The following ULK4 variants were observed in gnomAD, a reference collection of about 807,000 sequenced individuals.
ULK4 encodes the protein inactive serine/threonine-protein kinase ULK4.
ULK4 carries 133 observed loss-of-function variants against 160.6 expected under a neutral mutation model. The observed-to-expected ratio is 0.83, with a 90% CI of 0.72 to 0.96. The LOEUF (loss-of-function observed/expected upper bound fraction) is 0.96, where lower values mean the gene tolerates loss of function less well. Ranked by LOEUF, ULK4 falls within the 40% of genes least tolerant of loss-of-function variation. ULK4 has a pLI of 0.00. For missense variants in ULK4, 1,580 were observed against 1,499.5 expected (o/e 1.05, Z -0.89); for synonymous variants, 534 against 539.8 (o/e 0.99, Z 0.15).
At position 41,629,318 on chromosome 3, in the gene ULK4, A is replaced by T. The variant is rs540526401; in HGVS notation, c.3072-13601T>A. Among the ~76,000 whole-genome samples, 128 of 152,290 alleles carry T rather than the reference A, an allele frequency of 8.4e-4. 1 individual carries two copies. Among genetic ancestry groups the T allele is most frequent in the African/African-American group, 3.0e-3 (123 of 41,572 alleles). On this transcript the variant is annotated intron_variant, in intron 30 of 36. Transcript: ENST00000301831. ...CACTTCTGGCACCTGGGCTGGGATG[A>T]TTCAAGGAAGGCTCAGTTAATTCTG... is the stretch of plus-strand genomic sequence containing the variant.
At chr3:41,281,223 A>C (rs1382326298) in intron 35 of ULK4, among the ~76,000 whole-genome samples, 1 of 152,216 alleles carries the variant, frequency 6.6e-6, no homozygotes, top group African/African-American at 2.4e-5. Context: ...TACTAGAGGT[A>C]CAAAGAGGAG....
chr3:41,311,903 G>C (rs2080058057), intron 35 of ULK4, among the ~76,000 whole-genome samples: 2 of 146,868 alleles, frequency 1.4e-5, no homozygotes, highest in South Asian at 4.3e-4. Flanking sequence ...TATCCTATTA[G>C]TTCTGTCCCT....
chr3:41,848,915 C>T (rs1187655228), intron 17 of ULK4, among the ~76,000 whole-genome samples: 2 of 152,196 alleles, frequency 1.3e-5, no homozygotes, highest in African/African-American at 2.4e-5. Context: ...TTTCCCAGCC[C>T]CCTTAGAGTC....
At chr3:41,300,838 TA>T (rs1483823765) in intron 35 of ULK4, among the ~76,000 whole-genome samples, 259 of 9,776 alleles carry the variant, frequency 0.026, 7 homozygotes, top group African/African-American at 0.062. Context: ...TTTTACAGAT[TA>T]TATATATATA....
chr3:41,516,299 A>G (rs2085745414), intron 32 of ULK4, among the ~76,000 whole-genome samples: 2 of 152,224 alleles, frequency 1.3e-5, no homozygotes, highest in Admixed American at 1.3e-4. Flanking sequence ...TGGGAAGCAG[A>G]GTCAATACTG....
At chr3:41,687,979 C>G (rs951377937) in intron 27 of ULK4, 1 of 152,186 alleles carries the variant, frequency 6.6e-6, no homozygotes, top group African/African-American at 2.4e-5. Context: ...GGGAGGTGGA[C>G]GCAAACATGA....
chr3:41,492,410 A>ACTTTT (rs879297581), intron 32 of ULK4, among the ~76,000 whole-genome samples: 61,536 of 150,826 alleles, frequency 0.41, 12,716 homozygotes, highest in African/African-American at 0.43. Context: ...CCTGCCCTAA[A>ACTTTT]AGAGCTCCTG....
At chr3:41,521,809 G>A (rs545493012) in intron 32 of ULK4, among the ~76,000 whole-genome samples, 1 of 152,222 alleles carries the variant, frequency 6.6e-6, no homozygotes, top group South Asian at 2.1e-4. Flanking sequence ...ATATCCCTGG[G>A]GAGATTAAGA....
At chr3:41,946,249 G>A (rs1002399889) in intron 2 of ULK4, among the ~76,000 whole-genome samples, 2 of 152,116 alleles carry the variant, frequency 1.3e-5, no homozygotes, top group Non-Finnish European at 2.9e-5. Context: ...TAACACAGGT[G>A]AATCTCAAAA....
At chr3:41,471,108 ACC>A (rs1559627132) in intron 32 of ULK4, among the ~76,000 whole-genome samples, 1 of 152,130 alleles carries the variant, frequency 6.6e-6, no homozygotes, top group Non-Finnish European at 1.5e-5. Flanking sequence ...CAAGATACTC[ACC>A]TCACTTTTAA....
At chr3:41,830,218 G>A (rs944365581) in intron 18 of ULK4, among the ~76,000 whole-genome samples, 1 of 151,904 alleles carries the variant, frequency 6.6e-6, no homozygotes, top group African/African-American at 2.4e-5. Flanking sequence ...AACGGGTGCA[G>A]CACACCAACA....
intron 30 of ULK4, among the ~76,000 whole-genome samples, chr3:41,645,664 T>G (rs1288848501): frequency 6.6e-6 from 1 of 152,146 alleles, no homozygotes; most frequent in African/African-American, 2.4e-5. Flanking sequence ...AAAATGTATA[T>G]TCTGTTGATT....
In ULK4 at chr3:41,926,655, A is replaced by G. The variant is rs1199774761; in HGVS notation, c.541+5189T>C. ...ATAACCAGTTTAGAGAAGAACATAA[A>G]TGACCTGATGGAGCTGAAAAACACA... On this transcript the variant is annotated intron_variant, in intron 5 of 36. Coordinates refer to ENST00000301831, the MANE Select transcript of ULK4 (RefSeq NM_017886.4). Among the ~76,000 whole-genome samples the G allele has an allele frequency of 2.0e-5, 3 of 152,238 alleles. No individual in the cohort carries two copies. The East Asian group carries it at 5.8e-4, about 29-fold the overall frequency.
chr3:41,465,840 T>G (rs1262258798), intron 32 of ULK4, among the ~76,000 whole-genome samples: 1 of 152,184 alleles, frequency 6.6e-6, no homozygotes. Flanking sequence ...GGGTTGTTAT[T>G]TTGAAAAGGA....
chr3:41,342,390 T>C (rs1478514228), intron 35 of ULK4, among the ~76,000 whole-genome samples: 5 of 152,206 alleles, frequency 3.3e-5, no homozygotes, highest in Non-Finnish European at 1.5e-5. Context: ...TTCTTGTCTA[T>C]GTTACAATAA....
intron 35 of ULK4, among the ~76,000 whole-genome samples, chr3:41,322,208 T>A (rs2080260145): frequency 7.0e-6 from 1 of 142,990 alleles, no homozygotes; most frequent in South Asian, 2.2e-4. Flanking sequence ...CTTTTTGTAA[T>A]TTTAGTAGAG....
chr3:41,403,121 GC>G (rs1185687092), intron 34 of ULK4, among the ~76,000 whole-genome samples: 1 of 150,618 alleles, frequency 6.6e-6, no homozygotes, highest in Admixed American at 6.6e-5. Flanking sequence ...TTGCACTCCA[GC>G]CTGGGCAACA....
chr3:41,810,751 C>T (rs1575749649), intron 19 of ULK4, among the ~76,000 whole-genome samples: 1 of 152,212 alleles, frequency 6.6e-6, no homozygotes, highest in Admixed American at 6.5e-5. Context: ...TTTGTGGCAG[C>T]AGTCCATTCA....
intron 17 of ULK4, among the ~76,000 whole-genome samples, chr3:41,850,722 G>A (rs1422650682): frequency 6.6e-6 from 1 of 152,140 alleles, no homozygotes; most frequent in Non-Finnish European, 1.5e-5. Flanking sequence ...TTTGTCAGAT[G>A]AGTAGGTTGC....
Sources: allele counts gnomAD v4.1 joint callset (sites outside exome capture counted in the v4.1 genomes callset), GRCh38; gene constraint gnomAD v4.1.1; transcripts MANE v1.5; gene names NCBI Gene and HGNC (gene_info 2026-07-23, HGNC 2026-07-21).